Variants in SLC9A9 observed in about 807,000 individuals in gnomAD.
SLC9A9 encodes the protein solute carrier family 9 member A9, also known as sodium/hydrogen exchanger 9.
A neutral mutation model predicts 77.8 loss-of-function variants in SLC9A9; 62 were observed. That is an observed-to-expected ratio of 0.80 (90% CI 0.65 to 0.98). SLC9A9 has a LOEUF of 0.98. Among genes scored for constraint, SLC9A9 ranks in the 50% least tolerant of loss-of-function variants. The pLI is 0.00. For missense variants in SLC9A9, 775 were observed against 774.9 expected (o/e 1.00, Z 0.00); for synonymous variants, 320 against 283.5 (o/e 1.13, Z -1.29).
At chr3:143,834,844 T>G (rs1251181805) in intron 1 of SLC9A9, among the ~76,000 whole-genome samples, 2 of 152,068 alleles carry the variant, frequency 1.3e-5, no homozygotes, top group African/African-American at 4.8e-5. Flanking sequence ...GGTGACCAGA[T>G]GTAATATCCA....
intron 9 of SLC9A9, among the ~76,000 whole-genome samples, chr3:143,516,647 C>T (rs140987007): frequency 1.8e-4 from 27 of 152,204 alleles, no homozygotes; most frequent in African/African-American, 6.5e-4. Context: ...GACAGAGTCT[C>T]CTTTGATTAC....
chr3:143,725,216 C>G (rs1447261348), intron 4 of SLC9A9, among the ~76,000 whole-genome samples: 2 of 152,100 alleles, frequency 1.3e-5, no homozygotes, highest in African/African-American at 2.4e-5. Context: ...GAATGGCAAT[C>G]ATTAAAAAGT....
chr3:143,426,993 G>A (rs2034419180), intron 12 of SLC9A9, among the ~76,000 whole-genome samples: 1 of 152,186 alleles, frequency 6.6e-6, no homozygotes, highest in Admixed American at 6.5e-5. Context: ...AGCCGCTACA[G>A]TTTACTGGTA....
chr3:143,359,319 C>T (rs1315942578), intron 14 of SLC9A9, among the ~76,000 whole-genome samples: 3 of 152,134 alleles, frequency 2.0e-5, no homozygotes, highest in African/African-American at 7.2e-5. Context: ...ATGGAAGGCA[C>T]ATATCCTGGT....
intron 13 of SLC9A9, among the ~76,000 whole-genome samples, chr3:143,364,422 C>T (rs1335736190): frequency 6.6e-6 from 1 of 152,054 alleles, no homozygotes; most frequent in African/African-American, 2.4e-5. Flanking sequence ...GTCTGGACCC[C>T]CAGTTTTCAT....
chr3:143,827,320 C>T (rs1443433971), intron 2 of SLC9A9, among the ~76,000 whole-genome samples: 1 of 152,164 alleles, frequency 6.6e-6, no homozygotes, highest in African/African-American at 2.4e-5. Flanking sequence ...GCAACATGGT[C>T]TTGTTTTATC....
At chr3:143,368,734 T>C (rs891392658) in intron 13 of SLC9A9, among the ~76,000 whole-genome samples, 2 of 152,162 alleles carry the variant, frequency 1.3e-5, no homozygotes, top group East Asian at 1.9e-4. Context: ...TCCTTCCAAA[T>C]TGGAGTATAT....
At chr3:143,379,240 A>G (rs1300873952) in intron 13 of SLC9A9, among the ~76,000 whole-genome samples, 2 of 152,192 alleles carry the variant, frequency 1.3e-5, no homozygotes, top group Non-Finnish European at 2.9e-5. Context: ...TCCTCCTAAG[A>G]ATTGGGGTTA....
chr3:143,415,100 A>G (rs1384689032), intron 12 of SLC9A9, among the ~76,000 whole-genome samples: 1 of 152,214 alleles, frequency 6.6e-6, no homozygotes, highest in Non-Finnish European at 1.5e-5. Context: ...ACTCTCTTCA[A>G]TTCTGTGAAG....
At chr3:143,654,516 T>G (rs377131584) in intron 5 of SLC9A9, among the ~76,000 whole-genome samples, 3 of 152,240 alleles carry the variant, frequency 2.0e-5, no homozygotes, top group South Asian at 4.1e-4. Flanking sequence ...CAAACACTTC[T>G]GCTAAGTAAT....
In SLC9A9 at chr3:143,579,538, T is replaced by C. The variant is rs1391607611; in HGVS notation, c.756-815A>G. Among the ~76,000 whole-genome samples the C allele has an allele frequency of 4.6e-5, 7 of 152,298 alleles. No homozygotes were observed. In the East Asian group the frequency reaches 1.2e-3, roughly 25 times the overall value. ...TATTTTAGGAAATATGAACTCCATA[T>C]TGAGCATTAAAATGAACATATGTGC... On this transcript the variant is annotated intron_variant, in intron 6 of 15. Transcript: ENST00000316549.
intron 12 of SLC9A9, among the ~76,000 whole-genome samples, chr3:143,447,804 C>A (rs991695630): frequency 1.3e-5 from 2 of 152,160 alleles, no homozygotes; most frequent in African/African-American, 4.8e-5. Flanking sequence ...ATTTGAAGAA[C>A]ACGTGCTTGT....
intron 11 of SLC9A9, among the ~76,000 whole-genome samples, chr3:143,491,493 T>C (rs1197347105): frequency 1.3e-5 from 2 of 152,120 alleles, no homozygotes; most frequent in Non-Finnish European, 2.9e-5. Flanking sequence ...CATGGATCAG[T>C]TTTGATTCAA....
chr3:143,443,964 G>A (rs1457025160), intron 12 of SLC9A9, among the ~76,000 whole-genome samples: 2 of 152,122 alleles, frequency 1.3e-5, no homozygotes, highest in East Asian at 3.8e-4. Flanking sequence ...ATGGACCAGT[G>A]GCTTGGGGTT....
intron 4 of SLC9A9, among the ~76,000 whole-genome samples, chr3:143,786,619 G>A (rs1411218962): frequency 1.3e-5 from 2 of 152,090 alleles, no homozygotes; most frequent in African/African-American, 2.4e-5. Context: ...AATACAGCCC[G>A]TGCATGCTGT....
intron 8 of SLC9A9, among the ~76,000 whole-genome samples, chr3:143,555,306 T>C (rs1273908446): frequency 6.6e-6 from 1 of 152,206 alleles, no homozygotes; most frequent in Non-Finnish European, 1.5e-5. Flanking sequence ...TTTGAGTCCA[T>C]TAAACCTCTT....
chr3:143,778,081 A>G (rs2007756710), intron 4 of SLC9A9, among the ~76,000 whole-genome samples: 1 of 143,266 alleles, frequency 7.0e-6, no homozygotes, highest in Non-Finnish European at 1.5e-5. Flanking sequence ...CTTTTTCATT[A>G]CAGGATATAA....
Position 143,468,993 on chromosome 3 carries a change from C to T in SLC9A9, c.1316-1803G>A, listed in dbSNP as rs375056725. ...TGGCCAACATGGTGAAACCCCATCT[C>T]TACTAAAAATACAAAAATTAGCTGG... On this transcript the variant is annotated intron_variant, in intron 11 of 15. Coordinates refer to ENST00000316549, the MANE Select transcript of SLC9A9 (RefSeq NM_173653.4). Among the ~76,000 whole-genome samples, 28 of 152,224 alleles carry T rather than the reference C, an allele frequency of 1.8e-4. No individual in the cohort carries two copies. The East Asian group carries it at 5.2e-3, about 28-fold the overall frequency.
At chr3:143,604,774 T>C (rs1576604975) in intron 6 of SLC9A9, among the ~76,000 whole-genome samples, 1 of 152,182 alleles carries the variant, frequency 6.6e-6, no homozygotes, top group Non-Finnish European at 1.5e-5. Flanking sequence ...CAGAGAATAA[T>C]AAAGCCATTT....
Sources: gnomAD v4.1 joint callset for allele counts (sites outside exome capture counted in the v4.1 genomes callset) on GRCh38, gnomAD v4.1.1 for gene constraint, MANE v1.5 for transcripts, NCBI Gene and HGNC (gene_info 2026-07-23, HGNC 2026-07-21) for gene names.